Variants in FBXO15 observed in about 807,000 individuals in gnomAD.
FBXO15 encodes F-box only protein 15.
FBXO15 carries 30 observed loss-of-function variants against 49.5 expected under a neutral mutation model. That is an observed-to-expected ratio of 0.61 (90% CI 0.45 to 0.82). The LOEUF (loss-of-function observed/expected upper bound fraction) is 0.82. Ranked by LOEUF, FBXO15 falls within the 40% of genes least tolerant of loss-of-function variation. The pLI is 0.00. For synonymous variants in FBXO15, 250 were observed against 232.7 expected (o/e 1.07, Z -0.68); for missense variants, 591 against 631.5 (o/e 0.94, Z 0.69).
intron 7 of FBXO15, 145 bp downstream of exon 7, chr18:74,124,344 C>G: frequency 1.6e-6 from 1 of 643,250 alleles, no homozygotes; most frequent in Non-Finnish European, 2.7e-6. Context: ...ATTTTAGCGA[C>G]AGCTAATTGT....
chr18:74,084,382 AGGAAGAGAACG>A (rs1912637119), intron 8 of FBXO15, among the ~76,000 whole-genome samples: 1 of 152,216 alleles, frequency 6.6e-6, no homozygotes, highest in Non-Finnish European at 1.5e-5. Context: ...GCATGAGAGG[AGGAAGAGAACG>A]GGAAGAGCCA....
intron 8 of FBXO15, among the ~76,000 whole-genome samples, chr18:74,112,131 T>C (rs1264511297): frequency 6.6e-6 from 1 of 152,178 alleles, no homozygotes; most frequent in Non-Finnish European, 1.5e-5. Context: ...ATAATATCAA[T>C]TCTCTAAAAT....
intron 8 of FBXO15, chr18:74,099,491 G>A (rs1446051996): frequency 6.6e-6 from 1 of 151,844 alleles, no homozygotes; most frequent in Non-Finnish European, 1.5e-5. Flanking sequence ...AAATCTCACA[G>A]GACCTATAAA....
chr18:74,144,942 T>C (rs975155333), intron 1 of FBXO15, among the ~76,000 whole-genome samples: 5 of 152,362 alleles, frequency 3.3e-5, no homozygotes, highest in East Asian at 1.9e-4. Context: ...TCACCTGTTT[T>C]GTAAACATAT....
chr18:74,107,205 A>AAAAAAC (rs58902081), intron 8 of FBXO15, among the ~76,000 whole-genome samples: 34 of 151,170 alleles, frequency 2.2e-4, no homozygotes, highest in African/African-American at 7.3e-4. Context: ...AAAAAAAAAA[A>AAAAAAC]AACAACAAAT....
intron 1 of FBXO15, among the ~76,000 whole-genome samples, chr18:74,141,212 A>C (rs1979054076): frequency 6.6e-6 from 1 of 152,256 alleles, no homozygotes; most frequent in Non-Finnish European, 1.5e-5. Context: ...CCTCAAAACC[A>C]GTAGTACTCA....
At position 74,140,220 on chromosome 18, in the gene FBXO15, C is replaced by T. The variant is rs1240860318; in HGVS notation, c.209G>A (p.Cys70Tyr). The change falls in exon 2 of 10, where the codon TGT becomes TAT. Residue 70 changes from cysteine to tyrosine, a missense_variant. Cys to Tyr is a radical substitution (Grantham distance 194, BLOSUM62 -2). Coordinates refer to ENST00000419743, the MANE Select transcript of FBXO15 (RefSeq NM_001142958.2). Reference sequence around the variant, plus strand: ...TACTTACCCATCCAGGAACCCAGAACAGCAGGAGAAAGAGCTCTCCCAGTG... The same window carrying T: ...TACTTACCCATCCAGGAACCCAGAATAGCAGGAGAAAGAGCTCTCCCAGTG... ...GQHWESSFSC[C>Y]SGFLDGMPSE... 7 of 1,551,268 alleles carry T rather than the reference C, an allele frequency of 4.5e-6. No individual in the cohort carries two copies. The highest frequency in any genetic ancestry group is 5.2e-6 in the Non-Finnish European group (6 of 1,146,870).
intron 9 of FBXO15, among the ~76,000 whole-genome samples, chr18:74,080,666 G>A (rs1912454899): frequency 6.6e-6 from 1 of 152,206 alleles, no homozygotes; most frequent in African/African-American, 2.4e-5. Context: ...CTGCTAAGAT[G>A]CTATTCAGGG....
At chr18:74,106,488 A>T (rs1257117160) in intron 8 of FBXO15, among the ~76,000 whole-genome samples, 1 of 152,164 alleles carries the variant, frequency 6.6e-6, no homozygotes, top group East Asian at 1.9e-4. Context: ...AATGAACAAC[A>T]ATAACAGCAC....
intron 8 of FBXO15, among the ~76,000 whole-genome samples, chr18:74,102,152 A>G (rs1021045019): frequency 6.6e-6 from 1 of 152,060 alleles, no homozygotes; most frequent in Non-Finnish European, 1.5e-5. Context: ...TCACGGCAAA[A>G]GAACAGTTAG....
At chr18:74,140,607 A>C (rs900478832) in intron 1 of FBXO15, 1 of 321,748 alleles carries the variant, frequency 3.1e-6, no homozygotes, top group African/African-American at 2.2e-5. Flanking sequence ...GGCAGGGAGA[A>C]GGGAGGAAGA....
intron 6 of FBXO15, 35 bp from the exon 7 acceptor site, chr18:74,124,606 C>A: frequency 6.4e-7 from 1 of 1,562,406 alleles, no homozygotes; most frequent in Non-Finnish European, 8.8e-7. Context: ...CATATTTCAA[C>A]CAAAATGCTT....
At chr18:74,084,256 C>T (rs1912627488) in intron 8 of FBXO15, among the ~76,000 whole-genome samples, 2 of 152,234 alleles carry the variant, frequency 1.3e-5, no homozygotes, top group African/African-American at 4.8e-5. Context: ...GAAGTAATGG[C>T]TCAGCCTATG....
At chr18:74,077,210 T>C (rs1490436393) in intron 9 of FBXO15, among the ~76,000 whole-genome samples, 1 of 152,144 alleles carries the variant, frequency 6.6e-6, no homozygotes, top group Non-Finnish European at 1.5e-5. Flanking sequence ...AACCACTATG[T>C]GCTGAATGAA....
intron 8 of FBXO15, among the ~76,000 whole-genome samples, chr18:74,111,658 TAAG>T (rs1676773235): frequency 6.6e-6 from 1 of 150,496 alleles, no homozygotes; most frequent in African/African-American, 2.4e-5. Context: ...AAATCCAAAC[TAAG>T]AAGAAAAAAA....
intron 9 of FBXO15, chr18:74,078,723 G>A (rs1011857153): frequency 2.0e-5 from 3 of 152,282 alleles, no homozygotes; most frequent in South Asian, 2.1e-4. Flanking sequence ...GAACGTCCAG[G>A]AGGCACACAT....
intron 9 of FBXO15, among the ~76,000 whole-genome samples, chr18:74,079,088 T>C (rs1248605503): frequency 1.3e-5 from 2 of 152,114 alleles, no homozygotes; most frequent in East Asian, 3.9e-4. Flanking sequence ...CTAGTCTAAA[T>C]AAAAATTGAT....
At chr18:74,089,936 GACTT>G (rs1912945944) in intron 8 of FBXO15, among the ~76,000 whole-genome samples, 1 of 152,170 alleles carries the variant, frequency 6.6e-6, no homozygotes, top group Non-Finnish European at 1.5e-5. Flanking sequence ...CTCACAGAAT[GACTT>G]AGAGAGGAGT....
At chr18:74,080,512 G>A (rs536553823) in intron 9 of FBXO15, among the ~76,000 whole-genome samples, 2 of 152,194 alleles carry the variant, frequency 1.3e-5, no homozygotes, top group Non-Finnish European at 2.9e-5. Flanking sequence ...AGATCAAGCT[G>A]TTTTTCTAAA....
Sources: allele counts gnomAD v4.1 joint callset (sites outside exome capture counted in the v4.1 genomes callset), GRCh38; gene constraint gnomAD v4.1.1; transcripts MANE v1.5; gene names NCBI Gene and HGNC (gene_info 2026-07-23, HGNC 2026-07-21).